SCAPER: variants seen among roughly 807,000 people sequenced by gnomAD.
SCAPER encodes S phase cyclin A-associated protein in the endoplasmic reticulum.
In SCAPER, 98 loss-of-function variants were observed where a neutral mutation model predicts 182.2. The observed-to-expected ratio is 0.54, with a 90% confidence interval of 0.46 to 0.64. The LOEUF (loss-of-function observed/expected upper bound fraction) is 0.64, where lower values mean the gene tolerates loss of function less well. SCAPER is among the 30% of genes least tolerant of loss of function. The pLI, the probability that SCAPER is intolerant of heterozygous loss-of-function variation, is 0.00. For missense variants in SCAPER, 1,432 were observed against 1,690.0 expected, an observed-to-expected ratio of 0.85 and a Z score of 2.68; for synonymous variants, 605 against 564.6, an observed-to-expected ratio of 1.07 and a Z score of -1.01.
At chr15:76,513,498 TG>T (rs1442777666) in intron 23 of SCAPER, among the ~76,000 whole-genome samples, 1 of 152,190 alleles carries the variant, frequency 6.6e-6, no homozygotes, top group African/African-American at 2.4e-5. Context: ...TTCGCAAGCA[TG>T]TGGCGTTAAA....
chr15:76,564,378 C>T (rs905070080), intron 23 of SCAPER, among the ~76,000 whole-genome samples: 34 of 151,968 alleles, frequency 2.2e-4, no homozygotes, highest in Admixed American at 3.9e-4. Flanking sequence ...AACAGTCAAG[C>T]GAAGAGGCAA....
At chr15:76,692,014 C>T (rs986583336) in intron 20 of SCAPER, among the ~76,000 whole-genome samples, 6 of 152,144 alleles carry the variant, frequency 3.9e-5, no homozygotes, top group African/African-American at 1.4e-4. Context: ...TATTCACCTA[C>T]TGCATTTCTT....
chr15:76,850,792 G>A (rs2070660000), intron 4 of SCAPER, among the ~76,000 whole-genome samples: 8 of 149,216 alleles, frequency 5.4e-5, no homozygotes, highest in Admixed American at 4.1e-4. Flanking sequence ...CCCAGGAGGT[G>A]AAGGTTGCAG....
intron 21 of SCAPER, among the ~76,000 whole-genome samples, chr15:76,652,343 T>TATACACACAC (rs1414716447): frequency 8.2e-5 from 1 of 12,234 alleles, no homozygotes; most frequent in African/African-American, 3.5e-4. Context: ...TACACATATA[T>TATACACACAC]ACACACACAC....
chr15:76,724,702 T>C (rs1598384822), intron 17 of SCAPER, among the ~76,000 whole-genome samples: 1 of 152,198 alleles, frequency 6.6e-6, no homozygotes, highest in East Asian at 1.9e-4. Context: ...ATACCCTTTC[T>C]TCCCGTTGAT....
At chr15:76,558,748 T>C (rs781141814) in intron 23 of SCAPER, among the ~76,000 whole-genome samples, 31 of 151,962 alleles carry the variant, frequency 2.0e-4, no homozygotes, top group South Asian at 4.2e-4. Context: ...CTATTCACAA[T>C]AGCAAAGACA....
intron 22 of SCAPER, among the ~76,000 whole-genome samples, chr15:76,614,182 T>C (rs1306414064): frequency 4.6e-5 from 7 of 152,042 alleles, no homozygotes; most frequent in African/African-American, 1.7e-4. Flanking sequence ...CATTTATAAG[T>C]GGGAGCTAAA....
At chr15:76,479,049 G>A (rs1305641963) in intron 24 of SCAPER, among the ~76,000 whole-genome samples, 1 of 152,110 alleles carries the variant, frequency 6.6e-6, no homozygotes. Flanking sequence ...TGCCCTCTGT[G>A]CTTTACATTA....
At chr15:76,875,380 C>A (rs1264005048) in intron 2 of SCAPER, among the ~76,000 whole-genome samples, 2 of 152,106 alleles carry the variant, frequency 1.3e-5, no homozygotes. Flanking sequence ...GTGGCTCATG[C>A]CTGTAATCCC....
At chr15:76,678,104 T>C (rs1256838397) in intron 20 of SCAPER, among the ~76,000 whole-genome samples, 1 of 151,914 alleles carries the variant, frequency 6.6e-6, no homozygotes, top group Non-Finnish European at 1.5e-5. Context: ...GATACTTTTC[T>C]TCCTAGATCA....
At chr15:76,806,211 T>C (rs769733520) in intron 5 of SCAPER, among the ~76,000 whole-genome samples, 52 of 152,372 alleles carry the variant, frequency 3.4e-4, no homozygotes, top group Middle Eastern at 3.4e-3. Flanking sequence ...TCAGTTAATA[T>C]CTGTATACAG....
At chr15:76,749,967 TC>T (rs2061998693) in intron 15 of SCAPER, among the ~76,000 whole-genome samples, 1 of 151,964 alleles carries the variant, frequency 6.6e-6, no homozygotes, top group South Asian at 2.1e-4. Flanking sequence ...GACTTGTACT[TC>T]CTGATTTCAA....
At chr15:76,429,057 A>G (rs1437118368) in intron 26 of SCAPER, among the ~76,000 whole-genome samples, 4 of 151,646 alleles carry the variant, frequency 2.6e-5, no homozygotes, top group Non-Finnish European at 5.9e-5. Context: ...ATGATAGAGA[A>G]TAAGTCTCAC....
chr15:76,565,894 C>T lies in SCAPER; in HGVS notation c.2838+8264G>A, dbSNP rs921692154. Among the ~76,000 whole-genome samples the T allele has an allele frequency of 4.6e-5, 7 of 152,000 alleles. No individual in the cohort carries two copies. The South Asian group carries it at 1.5e-3, about 32-fold the overall frequency. On this transcript the variant is annotated intron_variant, in intron 23 of 31. Transcript: ENST00000563290. ...TTTTGACAAAATATGGGTGTCATAC[C>T]AGCTATATTCAGTTATGTATCAGTT... is the stretch of plus-strand genomic sequence containing the variant.
At chr15:76,689,090 C>T (rs934950941) in intron 20 of SCAPER, among the ~76,000 whole-genome samples, 23 of 151,906 alleles carry the variant, frequency 1.5e-4, no homozygotes, top group Non-Finnish European at 2.4e-4. Flanking sequence ...CCTAGTGATC[C>T]GCCCGCCTCA....
At chr15:76,805,777 C>T (rs1027841689) in intron 5 of SCAPER, among the ~76,000 whole-genome samples, 1 of 152,042 alleles carries the variant, frequency 6.6e-6, no homozygotes, top group Non-Finnish European at 1.5e-5. Flanking sequence ...CTGTGTTAGC[C>T]AGGATGGTCT....
chr15:76,604,580 G>A lies in SCAPER; in HGVS notation c.2711+17184C>T, dbSNP rs536514685. Reference sequence around the variant, plus strand: ...CTGTGAAGAAAGTCATTGGTAGCTTGATGGGGATGGCATTGAATCTATAAA... The same window carrying A: ...CTGTGAAGAAAGTCATTGGTAGCTTAATGGGGATGGCATTGAATCTATAAA... On this transcript the variant is annotated intron_variant, in intron 22 of 31. Coordinates refer to ENST00000563290, the MANE Select transcript of SCAPER (RefSeq NM_020843.4). Among the ~76,000 whole-genome samples, 17 of 65,552 alleles carry A rather than the reference G, an allele frequency of 2.6e-4. 3 individuals are homozygous for A. The East Asian group carries it at 6.2e-3, about 24-fold the overall frequency. 43.0% of individuals were successfully genotyped at this position (65,552 alleles called of 152,430 possible). A position where few individuals can be genotyped will look rare whatever the true frequency, so the allele number is the denominator to read the frequency against.
chr15:76,715,545 G>A (rs1334671193), intron 17 of SCAPER, among the ~76,000 whole-genome samples: 1 of 152,040 alleles, frequency 6.6e-6, no homozygotes, highest in African/African-American at 2.4e-5. Flanking sequence ...CAGGGCCCAA[G>A]ATACAGCTGT....
intron 25 of SCAPER, among the ~76,000 whole-genome samples, chr15:76,462,653 C>T (rs1567189191): frequency 6.6e-6 from 1 of 152,120 alleles, no homozygotes; most frequent in Admixed American, 6.6e-5. Context: ...CAGCTTCTCC[C>T]TCAAGTAGTC....
Sources: gnomAD v4.1 joint callset for allele counts (sites outside exome capture counted in the v4.1 genomes callset) on GRCh38, gnomAD v4.1.1 for gene constraint, MANE v1.5 for transcripts, NCBI Gene and HGNC (gene_info 2026-07-23, HGNC 2026-07-21) for gene names.